Variants in CRIM1 observed in about 807,000 individuals in gnomAD.
CRIM1 encodes cysteine-rich motor neuron 1 protein.
In CRIM1, 32 loss-of-function variants were observed where a neutral mutation model predicts 116.4. The observed-to-expected ratio is 0.27, with a 90% CI of 0.21 to 0.37. The LOEUF is 0.37. CRIM1 is among the 10% of genes least tolerant of loss of function. The pLI is 1.00. For synonymous variants in CRIM1, 590 were observed against 509.2 expected (o/e 1.16, Z -2.13); for missense variants, 1,331 against 1,354.8 (o/e 0.98, Z 0.28).
intron 7 of CRIM1, among the ~76,000 whole-genome samples, chr2:36,488,306 G>C (rs934060876): frequency 2.0e-5 from 3 of 152,196 alleles, no homozygotes; most frequent in Non-Finnish European, 4.4e-5. Flanking sequence ...AACGCCTCTT[G>C]CGCATGTGTG....
chr2:36,528,789 G>C, intron 13 of CRIM1, among the ~76,000 whole-genome samples: 1 of 152,148 alleles, frequency 6.6e-6, no homozygotes, highest in East Asian at 1.9e-4. Context: ...AAAACATTCT[G>C]GTTGTCGTGC....
intron 5 of CRIM1, among the ~76,000 whole-genome samples, chr2:36,469,387 G>C (rs1558338114): frequency 6.6e-6 from 1 of 152,204 alleles, no homozygotes; most frequent in Non-Finnish European, 1.5e-5. Context: ...GCTTCTCACA[G>C]CAGTATTAAA....
At chr2:36,378,645 C>G (rs994172341) in intron 1 of CRIM1, 2 of 218,198 alleles carry the variant, frequency 9.2e-6, no homozygotes, top group African/African-American at 2.2e-5. Context: ...GACTGCTGTC[C>G]TAAAGGTAAA....
intron 4 of CRIM1, among the ~76,000 whole-genome samples, chr2:36,460,008 G>T (rs544472895): frequency 3.3e-5 from 5 of 152,188 alleles, no homozygotes; most frequent in African/African-American, 1.2e-4. Context: ...ACCTCCTAAG[G>T]GGGTGAGTGC....
At chr2:36,467,085 AT>A (rs1678104573) in intron 5 of CRIM1, among the ~76,000 whole-genome samples, 1 of 152,156 alleles carries the variant, frequency 6.6e-6, no homozygotes, top group Admixed American at 6.5e-5. Context: ...ATTGCCACTT[AT>A]TATAGAGCCC....
At position 36,355,944 on chromosome 2, in the gene CRIM1, AGCCGAGCGCAGCAGCCACCGCCGCC is replaced by A. The variant is rs1668765885; in HGVS notation, c.-344_-320del. ...AGGAGGCGCCGCCGGCCCGGGCTGG[AGCCGAGCGCAGCAGCCACCGCCGCC>A]GCCGCGCCAGAAGTTTGGGTTGAAC... On this transcript the variant is annotated 5_prime_UTR_variant, in exon 1 of 17. Coordinates refer to ENST00000280527, the MANE Select transcript of CRIM1 (RefSeq NM_016441.3). 6.6e-6 allele frequency: 1 copy of A among 151,648 alleles called. No homozygotes were observed. The allele number at this position is 151,648 out of a possible 1,614,324, so 9.4% of individuals were successfully genotyped here. A position where few individuals can be genotyped will look rare whatever the true frequency, so the allele number is the denominator to read the frequency against.
At position 36,479,536 on chromosome 2, in the gene CRIM1, C is replaced by T; in HGVS notation, c.1214C>T (p.Ala405Val). The T allele has an allele frequency of 6.2e-7, 1 of 1,614,232 alleles. No homozygotes were observed. The highest frequency in any genetic ancestry group is 8.5e-7 in the Non-Finnish European group (1 of 1,180,036). The change falls in exon 7 of 17, where the codon GCC (alanine) becomes GTC (valine). Residue 405 changes from alanine (A) to valine (V), a missense_variant. This residue lies in a region of CRIM1 where 690 missense variants were observed against 676.0 expected (regional missense o/e 1.02). Coordinates refer to ENST00000280527, the MANE Select transcript of CRIM1 (RefSeq NM_016441.3). ...TTTAATAATCCCGCTGGCTGCTATG[C>T]CAATGGCCTGATCCTTGCCCACGGA... The part of the protein sequence containing the change: ...YPFNNPAGCY[A>V]NGLILAHGDR...
Position 36,466,354 on chromosome 2 carries a change from C to T in CRIM1, c.991+1699C>T, listed in dbSNP as rs151110292. Among the ~76,000 whole-genome samples the T allele has an allele frequency of 4.3e-3, 647 of 152,228 alleles. 2 individuals carry two copies. Among genetic ancestry groups the T allele is most frequent in the East Asian group, 0.012 (63 of 5,168 alleles). ...AGTTCTGTGCACTTAAATCACCTCT[C>T]GGTGCTTCTCCCCACTCTGGTCATT... On this transcript the variant is annotated intron_variant, in intron 5 of 16. Coordinates refer to ENST00000280527, the MANE Select transcript of CRIM1 (RefSeq NM_016441.3).
intron 8 of CRIM1, among the ~76,000 whole-genome samples, chr2:36,506,201 AC>A (rs1335658052): frequency 1.3e-5 from 2 of 151,092 alleles, no homozygotes; most frequent in Non-Finnish European, 3.0e-5. Context: ...ACACACACAC[AC>A]ACACACACAC....
intron 4 of CRIM1, among the ~76,000 whole-genome samples, chr2:36,461,190 G>A (rs921606516): frequency 3.9e-5 from 6 of 152,146 alleles, no homozygotes; most frequent in African/African-American, 9.7e-5. Flanking sequence ...AGACAGAGAC[G>A]TGGGCAGGGG....
chr2:36,503,383 C>A (rs1035140955), intron 8 of CRIM1, among the ~76,000 whole-genome samples: 8 of 152,178 alleles, frequency 5.3e-5, no homozygotes, highest in Admixed American at 2.6e-4. Flanking sequence ...TAGTACCTAA[C>A]TAATGGGTTA....
intron 2 of CRIM1, among the ~76,000 whole-genome samples, chr2:36,426,508 A>T (rs953313355): frequency 2.2e-4 from 33 of 152,168 alleles, no homozygotes; most frequent in African/African-American, 8.0e-4. Flanking sequence ...CTTTGGAAGA[A>T]ATTATCTTGA....
intron 11 of CRIM1, among the ~76,000 whole-genome samples, chr2:36,514,787 C>T (rs888510949): frequency 6.6e-6 from 1 of 152,150 alleles, no homozygotes; most frequent in Non-Finnish European, 1.5e-5. Flanking sequence ...TGACCTTGTT[C>T]GCCATGGTTG....
intron 13 of CRIM1, among the ~76,000 whole-genome samples, chr2:36,523,998 A>T (rs1665587394): frequency 6.6e-6 from 1 of 152,268 alleles, no homozygotes; most frequent in Admixed American, 6.5e-5. Context: ...TTTAAAAGCT[A>T]GATGGCCAAA....
intron 2 of CRIM1, among the ~76,000 whole-genome samples, chr2:36,432,526 T>G (rs1674975567): frequency 6.6e-6 from 1 of 152,158 alleles, no homozygotes; most frequent in African/African-American, 2.4e-5. Context: ...AGGCCACATT[T>G]GGCATCCGGC....
rs879127805 is a variant in CRIM1 at position 36,477,215 on chromosome 2, T to A, written c.1174+144T>A. ...GCCTTTTTTAAGACACCATGGTCTGTCTTTTAGCATGTTAAAGCCAGGTAG... is the reference window on the plus strand; with the variant it reads ...GCCTTTTTTAAGACACCATGGTCTGACTTTTAGCATGTTAAAGCCAGGTAG... On this transcript the variant is annotated intron_variant, in intron 6 of 16. Transcript: ENST00000280527. 40 of 651,342 alleles carry A rather than the reference T, an allele frequency of 6.1e-5. No individual in the cohort carries two copies. The South Asian group carries it at 9.0e-4, about 15-fold the overall frequency. The allele number at this position is 651,342 out of a possible 1,614,324, so 40.3% of individuals were successfully genotyped here. A position where few individuals can be genotyped will look rare whatever the true frequency, so the allele number is the denominator to read the frequency against.
intron 2 of CRIM1, among the ~76,000 whole-genome samples, chr2:36,438,987 T>C (rs1054428615): frequency 6.6e-6 from 1 of 152,214 alleles, no homozygotes; most frequent in Admixed American, 6.5e-5. Context: ...GTTAATGAAG[T>C]CTGTTCTTAG....
At chr2:36,408,624 C>T (rs910130566) in intron 2 of CRIM1, among the ~76,000 whole-genome samples, 11 of 152,158 alleles carry the variant, frequency 7.2e-5, no homozygotes, top group South Asian at 2.1e-4. Context: ...TCCTGCAGAG[C>T]GGAGCTGCAG....
intron 2 of CRIM1, among the ~76,000 whole-genome samples, chr2:36,436,225 C>G (rs1675303914): frequency 6.6e-6 from 1 of 151,722 alleles, no homozygotes; most frequent in African/African-American, 2.4e-5. Context: ...AAAAACAATT[C>G]CTGATGTTAT....
Sources: gnomAD v4.1 joint callset for allele counts (sites outside exome capture counted in the v4.1 genomes callset) on GRCh38, gnomAD v4.1.1 for gene constraint, gnomAD v4.1.1 regional missense constraint, MANE v1.5 for transcripts, NCBI Gene and HGNC (gene_info 2026-07-23, HGNC 2026-07-21) for gene names.